TENM4: variants seen among roughly 807,000 people sequenced by gnomAD.
TENM4 encodes the protein teneurin-4.
Under a neutral mutation model 243.3 loss-of-function variants are expected in TENM4, and 82 were observed. The observed-to-expected ratio is 0.34, with a 90% confidence interval of 0.28 to 0.40. The LOEUF is 0.40. Among genes scored for constraint, TENM4 ranks in the 10% least tolerant of loss-of-function variants. The probability of loss-of-function intolerance (pLI) is 1.00; values close to 1 mark genes in which losing one functional copy is unlikely to be tolerated. For missense variants in TENM4, 3,138 were observed against 3,673.3 expected, an observed-to-expected ratio of 0.85 and a Z score of 3.77; for synonymous variants, 1,412 against 1,456.3, an observed-to-expected ratio of 0.97 and a Z score of 0.69.
At chr11:79,396,763 T>G (rs7108878) in intron 1 of TENM4, among the ~76,000 whole-genome samples, 15,173 of 152,224 alleles carry the variant, frequency 0.1, 793 homozygotes, top group Non-Finnish European at 0.11. Flanking sequence ...TCCCAAGACC[T>G]CTCTCCTCTC....
At chr11:78,946,470 G>C (rs1289237405) in intron 6 of TENM4, among the ~76,000 whole-genome samples, 2 of 152,190 alleles carry the variant, frequency 1.3e-5, no homozygotes, top group Non-Finnish European at 2.9e-5. Flanking sequence ...CTCTGATGGA[G>C]ATAACTAAGG....
At chr11:78,886,024 C>T (rs1022748776) in intron 9 of TENM4, among the ~76,000 whole-genome samples, 1 of 152,184 alleles carries the variant, frequency 6.6e-6, no homozygotes, top group Non-Finnish European at 1.5e-5. Context: ...AAAAGAAAAA[C>T]TATTTTCCAC....
chr11:78,792,156 G>A (rs1857069705), intron 15 of TENM4, among the ~76,000 whole-genome samples: 1 of 152,190 alleles, frequency 6.6e-6, no homozygotes. Context: ...ATGACTAATT[G>A]ATGAGGACCT....
intron 16 of TENM4, among the ~76,000 whole-genome samples, chr11:78,779,007 C>T (rs1856793118): frequency 6.6e-6 from 1 of 152,262 alleles, no homozygotes; most frequent in Non-Finnish European, 1.5e-5. Context: ...GTCCCTTTGA[C>T]TACTCAGAGC....
chr11:79,024,938 C>A (rs904430207), intron 6 of TENM4, among the ~76,000 whole-genome samples: 1 of 152,172 alleles, frequency 6.6e-6, no homozygotes, highest in Admixed American at 6.5e-5. Flanking sequence ...TAGAGAGAGA[C>A]CAATTCCTCC....
chr11:79,321,732 G>C (rs1448446528), intron 1 of TENM4, among the ~76,000 whole-genome samples: 4 of 151,028 alleles, frequency 2.6e-5, no homozygotes, highest in African/African-American at 9.7e-5. Flanking sequence ...ACATCTCAAA[G>C]CATAACAAAG....
At chr11:79,017,779 G>A (rs1858817565) in intron 6 of TENM4, among the ~76,000 whole-genome samples, 1 of 152,224 alleles carries the variant, frequency 6.6e-6, no homozygotes. Flanking sequence ...ATGCGGCACA[G>A]GCTGCTTAGG....
chr11:78,675,205 T>A (rs929258801), intron 30 of TENM4, among the ~76,000 whole-genome samples: 1 of 152,178 alleles, frequency 6.6e-6, no homozygotes, highest in Non-Finnish European at 1.5e-5. Context: ...TATGAGACTC[T>A]GGAAAAATCG....
chr11:79,248,845 C>T lies in TENM4; in HGVS notation c.-264-32936G>A, dbSNP rs1240433298. Among the ~76,000 whole-genome samples, 3 of 152,130 alleles carry T rather than the reference C, an allele frequency of 2.0e-5. No individual in the cohort carries two copies. In the East Asian group the frequency reaches 5.8e-4, roughly 29 times the overall value. Reference sequence around the variant, plus strand: ...CTCCATTTGAGGGAAGACAAAGCTTCCCTCCCCCACCCATTCCTTGTAATG... The same window carrying T: ...CTCCATTTGAGGGAAGACAAAGCTTTCCTCCCCCACCCATTCCTTGTAATG... On this transcript the variant is annotated intron_variant, in intron 2 of 33. Coordinates refer to ENST00000278550, the MANE Select transcript of TENM4 (RefSeq NM_001098816.3).
At chr11:79,373,640 C>A (rs1322146646) in intron 1 of TENM4, among the ~76,000 whole-genome samples, 1 of 152,116 alleles carries the variant, frequency 6.6e-6, no homozygotes, top group Non-Finnish European at 1.5e-5. Flanking sequence ...ATGAAATTAT[C>A]AAATTCCTGT....
Position 78,657,635 on chromosome 11 carries a change from A to G in TENM4, c.*423T>C. ...CCATCACTCCCTTTACTCCTGCCCG[A>G]CCCCAGTCGAAGAAGAAAGGGTTGC... On this transcript the variant is annotated 3_prime_UTR_variant, in exon 34 of 34. Transcript: ENST00000278550. 1 of 356,528 alleles carries G rather than the reference A, an allele frequency of 2.8e-6. No homozygotes were observed. 22.1% of individuals were successfully genotyped at this position (356,528 alleles called of 1,614,324 possible).
chr11:78,822,942 G>A (rs1470216140), intron 12 of TENM4, among the ~76,000 whole-genome samples: 1 of 152,184 alleles, frequency 6.6e-6, no homozygotes. Context: ...TGAGATAACA[G>A]TATCGCATTA....
At chr11:79,367,082 C>T (rs939354045) in intron 1 of TENM4, among the ~76,000 whole-genome samples, 1 of 152,256 alleles carries the variant, frequency 6.6e-6, no homozygotes, top group African/African-American at 2.4e-5. Context: ...CCAGGATTCA[C>T]ATCCTCATTC....
intron 4 of TENM4, among the ~76,000 whole-genome samples, chr11:79,107,238 A>G (rs1475550592): frequency 6.6e-6 from 1 of 152,124 alleles, no homozygotes; most frequent in African/African-American, 2.4e-5. Flanking sequence ...GGAATAATGA[A>G]TTTATTTTTA....
At chr11:79,383,956 C>G (rs1023283795) in intron 1 of TENM4, among the ~76,000 whole-genome samples, 8 of 152,156 alleles carry the variant, frequency 5.3e-5, no homozygotes, top group African/African-American at 1.9e-4. Flanking sequence ...TTCTATGAAG[C>G]AACCAAGGAA....
intron 4 of TENM4, among the ~76,000 whole-genome samples, chr11:79,143,478 A>G (rs1469441581): frequency 6.6e-6 from 1 of 152,044 alleles, no homozygotes; most frequent in Non-Finnish European, 1.5e-5. Flanking sequence ...TTTAACAATG[A>G]GAACACTTGG....
chr11:78,742,685 C>G (rs891110690), intron 19 of TENM4, among the ~76,000 whole-genome samples: 6 of 152,202 alleles, frequency 3.9e-5, no homozygotes, highest in Non-Finnish European at 7.3e-5. Flanking sequence ...TCCAACCACA[C>G]ACTCAGGGCC....
chr11:78,795,646 G>T (rs1857146416), intron 15 of TENM4, among the ~76,000 whole-genome samples: 1 of 151,998 alleles, frequency 6.6e-6, no homozygotes, highest in Admixed American at 6.6e-5. Flanking sequence ...GTCTGCCTAT[G>T]TGTGTAAATG....
intron 9 of TENM4, among the ~76,000 whole-genome samples, chr11:78,866,152 A>G (rs1338738758): frequency 2.0e-5 from 3 of 152,230 alleles, no homozygotes; most frequent in Admixed American, 6.5e-5. Flanking sequence ...ATATTCTGCT[A>G]TTTCCAAGGC....
Sources: allele counts gnomAD v4.1 joint callset (sites outside exome capture counted in the v4.1 genomes callset), GRCh38; gene constraint gnomAD v4.1.1; transcripts MANE v1.5; gene names NCBI Gene and HGNC (gene_info 2026-07-23, HGNC 2026-07-21).